The following MAN1C1 variants were observed in gnomAD, a reference collection of about 807,000 sequenced individuals.
The protein encoded by MAN1C1 is mannosidase alpha class 1C member 1.
Under a neutral mutation model 71.5 loss-of-function variants are expected in MAN1C1, and 49 were observed. That is an observed-to-expected ratio of 0.69 (90% confidence interval 0.54 to 0.87). The LOEUF is 0.87. Ranked by LOEUF, MAN1C1 falls within the 40% of genes least tolerant of loss-of-function variation. The pLI is 0.00. For synonymous variants in MAN1C1, 352 were observed against 343.7 expected, an observed-to-expected ratio of 1.02 and a Z score of -0.27; for missense variants, 743 against 835.0, an observed-to-expected ratio of 0.89 and a Z score of 1.36.
intron 1 of MAN1C1, among the ~76,000 whole-genome samples, chr1:25,662,315 G>A (rs2045860745): frequency 6.6e-6 from 1 of 152,112 alleles, no homozygotes; most frequent in African/African-American, 2.4e-5. Flanking sequence ...GGGGTGTTCT[G>A]GAGAACGAGC....
rs1572214702 is a variant in MAN1C1, at chr1:25,777,993, G to C, written c.1258-112G>C. On this transcript the variant is annotated intron_variant, in intron 8 of 11. Coordinates refer to ENST00000374332, the MANE Select transcript of MAN1C1 (RefSeq NM_020379.4). ...CTCCTTTGCCTGGGATGGAGGGCTT[G>C]GCAGAGCTGCCCTTGCTACTGTCTC... 1.6e-5 allele frequency: 13 copies of C among 798,460 alleles called. No homozygotes were observed. The Middle Eastern group carries it at 1.1e-3, about 68-fold the overall frequency. 49.5% of individuals were successfully genotyped at this position (798,460 alleles called of 1,614,324 possible).
intron 1 of MAN1C1, among the ~76,000 whole-genome samples, chr1:25,652,207 G>T (rs777722634): frequency 5.9e-5 from 9 of 152,244 alleles, no homozygotes; most frequent in Non-Finnish European, 1.0e-4. Flanking sequence ...GTCAGGCCCT[G>T]AAGGCCTGTG....
At position 25,769,530 on chromosome 1, in the gene MAN1C1, A is replaced by G. The variant is rs1198218564; in HGVS notation, c.1142-2127A>G. On this transcript the variant is annotated intron_variant, in intron 7 of 11. Transcript: ENST00000374332. This position sits in a 1 kb window ranked among gnomAD's most constrained non-coding sequence, Gnocchi z 4.8. ...CTCCCTCCCCTGCGTGCCCCTCCAG[A>G]GGAAGCCTGGACCTTGTCACGCACA... 1.3e-5 allele frequency among the ~76,000 whole-genome samples: 2 copies of G among 152,182 alleles called. No individual in the cohort carries two copies. The highest frequency in any genetic ancestry group is 3.9e-4 in the East Asian group (2 of 5,170).
chr1:25,718,285 C>T (rs560882606), intron 2 of MAN1C1, among the ~76,000 whole-genome samples: 23 of 152,276 alleles, frequency 1.5e-4, no homozygotes, highest in African/African-American at 2.6e-4. Context: ...TGTGTCCCAG[C>T]GCATTAGGTG....
chr1:25,676,202 G>A (rs1327718400), intron 1 of MAN1C1, among the ~76,000 whole-genome samples: 2 of 152,212 alleles, frequency 1.3e-5, no homozygotes, highest in East Asian at 1.9e-4. Flanking sequence ...CCCATGGGCA[G>A]GATGTGGGTG....
chr1:25,782,964 C>T lies in MAN1C1; in HGVS notation c.1766+264C>T, dbSNP rs188178910. 7.5e-4 allele frequency among the ~76,000 whole-genome samples: 114 copies of T among 152,288 alleles called. No individual in the cohort carries two copies. The highest frequency in any genetic ancestry group is 2.5e-3 in the African/African-American group (103 of 41,558). On this transcript the variant is annotated intron_variant, in intron 11 of 11. Transcript: ENST00000374332. The surrounding 1 kb of genome is among the most constrained non-coding windows in gnomAD (Gnocchi z 4.4). ...GTTCCTTCAGTTTCTCGCTTATCTC[C>T]CCAGGTTGCTTCCGTTCTGGGAACC...
At chr1:25,767,642 A>C in intron 7 of MAN1C1, among the ~76,000 whole-genome samples, 1 of 27,994 alleles carries the variant, frequency 3.6e-5, no homozygotes, top group Non-Finnish European at 6.0e-5. Context: ...CACACATTAC[A>C]CACTCCCCCC....
intron 1 of MAN1C1, among the ~76,000 whole-genome samples, chr1:25,626,694 C>T (rs1368842971): frequency 6.6e-6 from 1 of 152,158 alleles, no homozygotes; most frequent in Non-Finnish European, 1.5e-5. Flanking sequence ...TTATAAATGT[C>T]TGTTTAAAAC....
intron 1 of MAN1C1, among the ~76,000 whole-genome samples, chr1:25,649,796 C>A (rs948457448): frequency 6.6e-6 from 1 of 152,120 alleles, no homozygotes; most frequent in Non-Finnish European, 1.5e-5. Flanking sequence ...TGCCACCATG[C>A]CTGGCTAATT....
intron 2 of MAN1C1, among the ~76,000 whole-genome samples, chr1:25,718,883 A>G (rs1359001825): frequency 3.3e-5 from 5 of 152,108 alleles, no homozygotes; most frequent in African/African-American, 1.2e-4. Context: ...TAATGCTGCT[A>G]TGAACATTGT....
At chr1:25,679,289 T>C (rs2046112342) in intron 1 of MAN1C1, among the ~76,000 whole-genome samples, 1 of 152,134 alleles carries the variant, frequency 6.6e-6, no homozygotes, top group Non-Finnish European at 1.5e-5. Context: ...AGCATGCTAA[T>C]ATAATTATAA....
At chr1:25,644,497 C>CATATATATATATATATATATATAT (rs1204408970) in intron 1 of MAN1C1, 2 of 80,144 alleles carry the variant, frequency 2.5e-5, no homozygotes, top group African/African-American at 1.8e-4. Context: ...GTACCAGAGA[C>CATATATATATATATATATATATAT]ATATATATAT....
chr1:25,734,020 T>G (rs1362018036), intron 2 of MAN1C1, among the ~76,000 whole-genome samples: 4 of 152,010 alleles, frequency 2.6e-5, no homozygotes, highest in Non-Finnish European at 4.4e-5. Context: ...AGGATGGTCT[T>G]GATCTCCTGA....
At position 25,749,298 on chromosome 1, in the gene MAN1C1, G is replaced by A. The variant is rs781727967; in HGVS notation, c.797G>A (p.Gly266Glu). Residue 266 changes from glycine to glutamate, a missense_variant, in exon 4 of 12, where the codon GGG becomes GAG. By Grantham distance (98) the Gly-to-Glu change is moderately conservative (BLOSUM62 -2). Transcript: ENST00000374332. ...SLFEVNIRYI[G>E]GLLSAFYLTG... is the part of the protein sequence containing the mutation. Reference sequence around the variant, plus strand: ...TTTGAGGTGAACATCCGCTACATCGGGGGACTCCTCTCAGCCTTCTACCTG... The same window carrying A: ...TTTGAGGTGAACATCCGCTACATCGAGGGACTCCTCTCAGCCTTCTACCTG... The A allele has an allele frequency of 1.2e-6, 2 of 1,612,494 alleles. No individual in the cohort carries two copies. Among genetic ancestry groups the A allele is most frequent in the South Asian group, 2.2e-5 (2 of 90,430 alleles).
rs115554739 is a variant in MAN1C1, at chr1:25,758,468, C to T, written c.930-124C>T. ...GGGAGGATTCACTGAAATTGTACGG[C>T]GAAAGCTCCTGGTTCCATGCCTGTC... On this transcript the variant is annotated intron_variant, in intron 5 of 11. Transcript: ENST00000374332. 2.0e-3 allele frequency: 1,513 copies of T among 769,866 alleles called. 21 individuals carry two copies. In the African/African-American group the frequency reaches 0.023, roughly 12 times the overall value. 47.7% of individuals were successfully genotyped at this position (769,866 alleles called of 1,614,324 possible).
At chr1:25,639,085 G>C (rs2045503349) in intron 1 of MAN1C1, among the ~76,000 whole-genome samples, 1 of 151,930 alleles carries the variant, frequency 6.6e-6, no homozygotes, top group South Asian at 2.1e-4. Flanking sequence ...ATAATTTATA[G>C]TAACCTATCT....
At chr1:25,727,550 C>G (rs2046849124) in intron 2 of MAN1C1, among the ~76,000 whole-genome samples, 1 of 152,182 alleles carries the variant, frequency 6.6e-6, no homozygotes, top group Non-Finnish European at 1.5e-5. Context: ...CATTCTCTAC[C>G]CCCATCCCAA....
intron 2 of MAN1C1, among the ~76,000 whole-genome samples, chr1:25,691,210 G>A (rs1407131034): frequency 2.0e-5 from 3 of 152,112 alleles, no homozygotes; most frequent in Non-Finnish European, 4.4e-5. Context: ...CCAGCTGCTC[G>A]GGAGGCTGAG....
At chr1:25,781,215 C>G (rs1421822885) in intron 10 of MAN1C1, 103 bp downstream of exon 10, 1 of 1,233,534 alleles carries the variant, frequency 8.1e-7, no homozygotes, top group African/African-American at 1.5e-5. Flanking sequence ...GAAGGCCAAG[C>G]CACGTTGACC....
Sources: gnomAD v4.1 joint callset for allele counts (sites outside exome capture counted in the v4.1 genomes callset) on GRCh38, gnomAD v4.1.1 for gene constraint, Gnocchi (gnomAD v3.1) non-coding constraint, MANE v1.5 for transcripts, NCBI Gene and HGNC (gene_info 2026-07-23, HGNC 2026-07-21) for gene names.